CASKIN1: variants seen among roughly 807,000 people sequenced by gnomAD.
CASKIN1 encodes the protein caskin-1.
In CASKIN1, 42 loss-of-function variants were observed where a neutral mutation model predicts 117.5. That is an observed-to-expected ratio of 0.36 (90% CI 0.28 to 0.46). The LOEUF (loss-of-function observed/expected upper bound fraction) is 0.46, where lower values mean the gene tolerates loss of function less well. Ranked by LOEUF, CASKIN1 falls within the 20% of genes least tolerant of loss-of-function variation. The pLI is 1.00. For synonymous variants in CASKIN1, 1,148 were observed against 961.7 expected, an observed-to-expected ratio of 1.19 and a Z score of -3.59; for missense variants, 2,083 against 2,077.3, an observed-to-expected ratio of 1.00 and a Z score of -0.05.
rs1242742954 is a variant in CASKIN1, at chr16:2,179,404, C to T, written c.3776-79G>A. ...CCCTGCCCCAGCCTCCCGCGGCTTC[C>T]TCCCCAGCGGACCGGGAAAGACCCT... On this transcript the variant is annotated intron_variant, in intron 18 of 19. Coordinates refer to ENST00000343516, the MANE Select transcript of CASKIN1 (RefSeq NM_020764.4). This position sits in a 1 kb window ranked among gnomAD's most constrained non-coding sequence, Gnocchi z 5.8. 1.5e-6 allele frequency: 2 copies of T among 1,318,780 alleles called. No individual in the cohort carries two copies. Among genetic ancestry groups the T allele is most frequent in the Non-Finnish European group, 1.9e-6 (2 of 1,040,238 alleles). The allele number at this position is 1,318,780 out of a possible 1,614,324, so 81.7% of individuals were successfully genotyped here.
In CASKIN1 at chr16:2,178,121, G is replaced by A. The variant is rs2093149109; in HGVS notation, c.*429C>T. The A allele has an allele frequency of 2.0e-6, 1 of 506,830 alleles. No individual in the cohort carries two copies. Among genetic ancestry groups the A allele is most frequent in the Non-Finnish European group, 3.8e-6 (1 of 261,250 alleles). The allele number at this position is 506,830 out of a possible 1,614,324, so 31.4% of individuals were successfully genotyped here. On this transcript the variant is annotated 3_prime_UTR_variant, in exon 20 of 20. Transcript: ENST00000343516. The stretch of plus-strand genomic sequence containing the variant: ...TCATTCCCAATAAATTAATACTCTT[G>A]ATAGCTTATATTCTGGGGGTGCGGT...
At position 2,181,937 on chromosome 16, in the gene CASKIN1, GCAGA is replaced by G. The variant is rs760136520; in HGVS notation, c.1630-12_1630-9del. On this transcript the variant is annotated splice_polypyrimidine_tract_variant and intron_variant, in intron 16 of 19. Coordinates refer to ENST00000343516, the MANE Select transcript of CASKIN1 (RefSeq NM_020764.4). Reference sequence around the variant, plus strand: ...CCACACGGCCAGGTTAGCCTACAGAGCAGACACACAGAGGAGCCACCTGGGCTGG... The same window carrying G: ...CCACACGGCCAGGTTAGCCTACAGAGCACACAGAGGAGCCACCTGGGCTGG... The G allele has an allele frequency of 5.0e-6, 8 of 1,613,154 alleles. No homozygotes were observed. The Admixed American group carries it at 8.3e-5, about 17-fold the overall frequency.
Position 2,184,845 on chromosome 16 carries a change from C to G in CASKIN1, c.1348G>C (p.Val450Leu). ...CCATAGACCTGCCCGGCGTGGGCCACTGGAGGCTGGGACCGGGCCACACCT... is the reference window on the plus strand; with the variant it reads ...CCATAGACCTGCCCGGCGTGGGCCAGTGGAGGCTGGGACCGGGCCACACCT... ...SAGVARSQPP[V>L]AHAGQVYGEQ... Residue 450 changes from valine to leucine, a missense_variant, in exon 14 of 20, where the codon GTG becomes CTG. Around this residue, in one of 3 missense-constraint regions of CASKIN1, gnomAD observed 1,818 missense variants for 1,688.9 expected, o/e 1.08. Coordinates refer to ENST00000343516, the MANE Select transcript of CASKIN1 (RefSeq NM_020764.4). 6.4e-7 allele frequency: 1 copy of G among 1,562,250 alleles called. No individual in the cohort carries two copies. Among genetic ancestry groups the G allele is most frequent in the South Asian group, 1.2e-5 (1 of 85,284 alleles).
rs1377189338 is a variant in CASKIN1, at chr16:2,179,113, A to C, written c.3988T>G (p.Ser1330Ala). The change falls in exon 19 of 20, where the codon TCC (serine) becomes GCC (alanine). Residue 1330 changes from serine to alanine, a missense_variant. Ser to Ala is a moderately conservative substitution (Grantham distance 99). Around this residue, in one of 3 missense-constraint regions of CASKIN1, gnomAD observed 1,818 missense variants for 1,688.9 expected, o/e 1.08. Transcript: ENST00000343516. This position sits in a 1 kb window ranked among gnomAD's most constrained non-coding sequence, Gnocchi z 5.8. Reference sequence around the variant, plus strand: ...ACGTGCAGCGCGGGCGCGCCGGGGGACGGGGGCTTGGCGGGGCTGGCGCCC... The same window carrying C: ...ACGTGCAGCGCGGGCGCGCCGGGGGCCGGGGGCTTGGCGGGGCTGGCGCCC... Reference protein sequence around the residue: ...SLGASPAKPPSPGAPALHVPA... With the variant: ...SLGASPAKPPAPGAPALHVPA... 8.1e-6 allele frequency: 8 copies of C among 989,022 alleles called. No homozygotes were observed. The highest frequency in any genetic ancestry group is 9.5e-6 in the Non-Finnish European group (8 of 838,702). The allele number at this position is 989,022 out of a possible 1,614,324, so 61.3% of individuals were successfully genotyped here.
In CASKIN1 at chr16:2,179,281, G is replaced by A; in HGVS notation, c.3820C>T (p.Pro1274Ser). The A allele has an allele frequency of 8.2e-7, 1 of 1,222,758 alleles. No individual in the cohort carries two copies. The highest frequency in any genetic ancestry group is 4.3e-5 in the Admixed American group (1 of 23,468). 75.7% of individuals were successfully genotyped at this position (1,222,758 alleles called of 1,614,324 possible). Residue 1274 changes from proline (P) to serine (S), a missense_variant, in exon 19 of 20, where the codon CCG becomes TCG. Coordinates refer to ENST00000343516, the MANE Select transcript of CASKIN1 (RefSeq NM_020764.4). This position sits in a 1 kb window ranked among gnomAD's most constrained non-coding sequence, Gnocchi z 5.8. ...TTGGGCGCTGTGGGCGGCGGCGGCG[G>A]CTTGGGAGACACGGGCGGTGGCGTG... Reference protein sequence around the residue: ...HGTPPPVSPKPPPPPTAPKPV... With the variant: ...HGTPPPVSPKSPPPPTAPKPV...
intron 19 of CASKIN1, 52 bp from the exon 20 acceptor site, chr16:2,178,698 C>T (rs919715144): frequency 6.7e-7 from 1 of 1,493,564 alleles, no homozygotes; most frequent in Non-Finnish European, 9.0e-7. Flanking sequence ...TCTGGCCACG[C>T]CCACCCCGAC....
intron 19 of CASKIN1, 74 bp from the exon 20 acceptor site, chr16:2,178,720 C>T: frequency 3.6e-6 from 5 of 1,398,474 alleles, no homozygotes; most frequent in East Asian, 2.8e-5. Context: ...AGGACACGCC[C>T]ACGTCCCGCA....
At chr16:2,184,495 C>CA (rs1423750320) in intron 14 of CASKIN1, among the ~76,000 whole-genome samples, 1 of 152,204 alleles carries the variant, frequency 6.6e-6, no homozygotes, top group Non-Finnish European at 1.5e-5. Context: ...CACCTGTACA[C>CA]AGACACGCGT....
intron 1 of CASKIN1, among the ~76,000 whole-genome samples, chr16:2,192,935 G>A (rs1018989250): frequency 2.6e-5 from 4 of 152,232 alleles, no homozygotes; most frequent in East Asian, 1.9e-4. Flanking sequence ...CCGCCGAGGC[G>A]ACTTAATGGG....
Position 2,178,556 on chromosome 16 carries a change from C to A in CASKIN1, c.4290G>T (p.Leu1430=). 1 of 1,591,778 alleles carries A rather than the reference C, an allele frequency of 6.3e-7. No homozygotes were observed. The change falls in exon 20 of 20, where the codon CTG becomes CTT. Residue 1430 remains leucine (L), a synonymous_variant. Coordinates refer to ENST00000343516, the MANE Select transcript of CASKIN1 (RefSeq NM_020764.4). Reference sequence around the variant, plus strand: ...GGGCCCGGCCAGGCGGCGTTCACTCCAGCATGGCATCCAGCTGGTCGGCCA... The same window carrying A: ...GGGCCCGGCCAGGCGGCGTTCACTCAAGCATGGCATCCAGCTGGTCGGCCA... ...DDLADQLDAM[L]E is the part of the protein sequence containing the mutation.
chr16:2,188,969 G>T, intron 6 of CASKIN1, 58 bp downstream of exon 6: 1 of 1,559,084 alleles, frequency 6.4e-7, no homozygotes, highest in Non-Finnish European at 8.7e-7. Context: ...CTGAGCCCCA[G>T]GCTGCTGCTG....
intron 10 of CASKIN1, among the ~76,000 whole-genome samples, chr16:2,186,260 C>T (rs555794311): frequency 2.0e-5 from 3 of 152,350 alleles, no homozygotes; most frequent in East Asian, 3.9e-4. Flanking sequence ...TGAGCCACCA[C>T]GCCTGGCGCC....
At chr16:2,184,570 C>T (rs1345166244) in intron 14 of CASKIN1, among the ~76,000 whole-genome samples, 4 of 152,172 alleles carry the variant, frequency 2.6e-5, no homozygotes, top group East Asian at 3.8e-4. Context: ...TTGGCCCACA[C>T]GCACAGCCTG....
Position 2,179,929 on chromosome 16 carries a change from T to C in CASKIN1, c.3439A>G (p.Thr1147Ala), listed in dbSNP as rs1243274063. ...NVKFILTESD[T>A]VKRRPKAKER... is the part of the protein sequence containing the mutation. ...TTGGCCTTGGGCCTGCGCTTGACCG[T>C]GTCAGACTCGGTCAGGATGAACTTG... Residue 1147 changes from threonine (T) to alanine (A), a missense_variant, in exon 18 of 20, where the codon ACG becomes GCG. By Grantham distance (58) the Thr-to-Ala change is moderately conservative. Around this residue, in one of 3 missense-constraint regions of CASKIN1, gnomAD observed 1,818 missense variants for 1,688.9 expected, o/e 1.08. Coordinates refer to ENST00000343516, the MANE Select transcript of CASKIN1 (RefSeq NM_020764.4). The surrounding 1 kb of genome is among the most constrained non-coding windows in gnomAD (Gnocchi z 5.8). 8 of 1,606,134 alleles carry C rather than the reference T, an allele frequency of 5.0e-6. No individual in the cohort carries two copies. Among genetic ancestry groups the C allele is most frequent in the African/African-American group, 1.3e-5 (1 of 74,808 alleles).
intron 10 of CASKIN1, among the ~76,000 whole-genome samples, chr16:2,185,625 C>A (rs1326359977): frequency 1.3e-5 from 2 of 152,260 alleles, no homozygotes; most frequent in Non-Finnish European, 2.9e-5. Flanking sequence ...CTGCCGGTGG[C>A]CCTGGGGTCC....
chr16:2,179,832 C>T lies in CASKIN1; in HGVS notation c.3536G>A (p.Arg1179His), dbSNP rs1023435420. The change falls in exon 18 of 20, where the codon CGC becomes CAC. Residue 1179 changes from arginine to histidine, a missense_variant. By Grantham distance (29) the Arg-to-His change is conservative. Around this residue, in one of 3 missense-constraint regions of CASKIN1, gnomAD observed 1,818 missense variants for 1,688.9 expected, o/e 1.08. Coordinates refer to ENST00000343516, the MANE Select transcript of CASKIN1 (RefSeq NM_020764.4). The surrounding 1 kb of genome is among the most constrained non-coding windows in gnomAD (Gnocchi z 5.8). The stretch of plus-strand genomic sequence containing the variant: ...CCCAGCCTGCTCCGAGGCCGGTCGG[C>T]GGCGCACGGTGCCAGTGCCATTATG... ...VYHNGTGTVR[R>H]RPASEQAGPP... The T allele has an allele frequency of 4.4e-6, 7 of 1,597,778 alleles. No homozygotes were observed. In the South Asian group the frequency reaches 4.5e-5, roughly 10 times the overall value.
At position 2,180,993 on chromosome 16, in the gene CASKIN1, C is replaced by T; in HGVS notation, c.2375G>A (p.Gly792Glu). The T allele has an allele frequency of 1.4e-6, 2 of 1,476,856 alleles. No individual in the cohort carries two copies. The highest frequency in any genetic ancestry group is 8.9e-7 in the Non-Finnish European group (1 of 1,118,624). The allele number at this position is 1,476,856 out of a possible 1,614,324, so 91.5% of individuals were successfully genotyped here. The change falls in exon 18 of 20, where the codon GGG becomes GAG. Residue 792 changes from glycine (G) to glutamate (E), a missense_variant. Physicochemically the swap from Gly to Glu is moderately conservative, Grantham distance 98. This residue lies in a region of CASKIN1 where 1,818 missense variants were observed against 1,688.9 expected (regional missense o/e 1.08). Coordinates refer to ENST00000343516, the MANE Select transcript of CASKIN1 (RefSeq NM_020764.4). Reference sequence around the variant, plus strand: ...AGCTGGGGCTGGACCATGAGGTCCCCCAAGGGCCTGGGGAGAGCCTGGTCG... The same window carrying T: ...AGCTGGGGCTGGACCATGAGGTCCCTCAAGGGCCTGGGGAGAGCCTGGTCG... Reference protein sequence around the residue: ...KTRPGSPQALGGPHGPAPATA... With the variant: ...KTRPGSPQALEGPHGPAPATA...
chr16:2,194,629 G>A (rs1008247407), intron 1 of CASKIN1, among the ~76,000 whole-genome samples: 2 of 152,182 alleles, frequency 1.3e-5, no homozygotes, highest in Non-Finnish European at 2.9e-5. Context: ...CCATGACGAC[G>A]GAGCTAATTC....
chr16:2,190,022 C>T, intron 3 of CASKIN1, 51 bp downstream of exon 3: 1 of 1,495,164 alleles, frequency 6.7e-7, no homozygotes, highest in South Asian at 1.2e-5. Context: ...TGGGGAGCCC[C>T]CCTCGCTGCC....
Sources: allele counts gnomAD v4.1 joint callset (sites outside exome capture counted in the v4.1 genomes callset), GRCh38; gene constraint gnomAD v4.1.1; regional missense constraint gnomAD v4.1.1; non-coding constraint Gnocchi (gnomAD v3.1); transcripts MANE v1.5; gene names NCBI Gene and HGNC (gene_info 2026-07-23, HGNC 2026-07-21).